RAB38: variants seen among roughly 807,000 people sequenced by gnomAD.
RAB38 encodes the protein RAB38, member RAS oncogene family.
Under a neutral mutation model 18.4 loss-of-function variants are expected in RAB38, and 15 were observed. The observed-to-expected ratio is 0.82, with a 90% CI of 0.55 to 1.26. RAB38 has a LOEUF of 1.26. Among genes scored for constraint, RAB38 ranks in the 50% most tolerant of loss-of-function variants. The pLI is 0.00. For missense variants in RAB38, 294 were observed against 267.4 expected (o/e 1.10, Z -0.69); for synonymous variants, 101 against 104.4 (o/e 0.97, Z 0.20).
the RAB38 span, among the ~76,000 whole-genome samples, chr11:87,915,543 CCCT>C: frequency 6.6e-6 from 1 of 152,080 alleles, no homozygotes; most frequent in African/African-American, 2.4e-5. Flanking sequence ...CAGGAAGTTA[CCCT>C]ATATGGTCTA....
At chr11:87,928,292 G>A in the RAB38 span, among the ~76,000 whole-genome samples, 1 of 151,852 alleles carries the variant, frequency 6.6e-6, no homozygotes, top group Non-Finnish European at 1.5e-5. Flanking sequence ...TAATTTATCA[G>A]TTTATTCTAA....
the RAB38 span, among the ~76,000 whole-genome samples, chr11:87,840,878 T>G: frequency 6.6e-6 from 1 of 152,182 alleles, no homozygotes; most frequent in Non-Finnish European, 1.5e-5. Flanking sequence ...CCCATATTAA[T>G]AACATCTTTT....
At chr11:87,924,864 C>G in the RAB38 span, among the ~76,000 whole-genome samples, 1 of 151,910 alleles carries the variant, frequency 6.6e-6, no homozygotes, top group Non-Finnish European at 1.5e-5. Context: ...ATTGTGTATA[C>G]AAATGTGTGT....
At chr11:87,921,990 A>T in the RAB38 span, among the ~76,000 whole-genome samples, 1 of 152,176 alleles carries the variant, frequency 6.6e-6, no homozygotes, top group South Asian at 2.1e-4. Flanking sequence ...AGGTAGACAG[A>T]TAAGTAATAA....
chr11:87,935,378 A>G, the RAB38 span, among the ~76,000 whole-genome samples: 37 of 151,940 alleles, frequency 2.4e-4, no homozygotes, highest in Admixed American at 2.4e-3. Context: ...ATTATTTTCT[A>G]TAATTCAACC....
chr11:88,161,474 T>A (rs1943189167), intron 1 of RAB38, among the ~76,000 whole-genome samples: 1 of 152,110 alleles, frequency 6.6e-6, no homozygotes, highest in Admixed American at 6.6e-5. Context: ...CTTATTATGC[T>A]GTGCATTCAT....
the RAB38 span, among the ~76,000 whole-genome samples, chr11:88,009,804 C>T: frequency 2.0e-5 from 3 of 152,072 alleles, no homozygotes; most frequent in African/African-American, 7.2e-5. Context: ...TATAATAGAG[C>T]ATTTTGTCTG....
At chr11:88,129,154 A>C (rs1942738907) in intron 2 of RAB38, among the ~76,000 whole-genome samples, 2 of 152,180 alleles carry the variant, frequency 1.3e-5, no homozygotes, top group Admixed American at 1.3e-4. Flanking sequence ...ATCTAGTGGC[A>C]CCTGAGTACC....
At chr11:88,016,033 A>C in the RAB38 span, among the ~76,000 whole-genome samples, 3 of 152,144 alleles carry the variant, frequency 2.0e-5, no homozygotes, top group Non-Finnish European at 4.4e-5. Flanking sequence ...ATCTCCATAT[A>C]GAAAAAAGCA....
At chr11:88,136,070 A>C (rs1942831048) in intron 2 of RAB38, among the ~76,000 whole-genome samples, 1 of 152,202 alleles carries the variant, frequency 6.6e-6, no homozygotes, top group African/African-American at 2.4e-5. Flanking sequence ...AATCTTGAGC[A>C]TTCTGTCATT....
chr11:88,129,776 A>C (rs1942745038), intron 2 of RAB38, among the ~76,000 whole-genome samples: 1 of 152,184 alleles, frequency 6.6e-6, no homozygotes. Context: ...ATACACACAT[A>C]TTTCTTATTG....
the RAB38 span, among the ~76,000 whole-genome samples, chr11:88,059,183 G>C: frequency 1.2e-4 from 1 of 8,428 alleles, no homozygotes; most frequent in Non-Finnish European, 2.1e-4. Flanking sequence ...AAATAAGAAC[G>C]TGTGAAAAGT....
the RAB38 span, among the ~76,000 whole-genome samples, chr11:87,959,607 G>A: frequency 2.0e-5 from 3 of 152,280 alleles, no homozygotes; most frequent in Middle Eastern, 3.4e-3. Flanking sequence ...GCTCATAGAC[G>A]CATTCTCCAG....
the RAB38 span, among the ~76,000 whole-genome samples, chr11:87,814,789 A>C: frequency 2.0e-5 from 3 of 150,008 alleles, no homozygotes; most frequent in Non-Finnish European, 4.4e-5. Flanking sequence ...GCCTGACTGC[A>C]GTGGCACTAT....
chr11:87,972,916 T>C, the RAB38 span, among the ~76,000 whole-genome samples: 1 of 152,012 alleles, frequency 6.6e-6, no homozygotes, highest in Non-Finnish European at 1.5e-5. Flanking sequence ...GCTGTTCTTA[T>C]GATAATGAAT....
the RAB38 span, among the ~76,000 whole-genome samples, chr11:88,096,304 TTCTG>T: frequency 6.6e-6 from 1 of 151,844 alleles, no homozygotes; most frequent in Non-Finnish European, 1.5e-5. Context: ...ACATTTCCTG[TTCTG>T]TCTATAATTG....
At chr11:88,117,540 T>C (rs140268629) in intron 2 of RAB38, among the ~76,000 whole-genome samples, 4 of 152,346 alleles carry the variant, frequency 2.6e-5, no homozygotes, top group Non-Finnish European at 5.9e-5. Flanking sequence ...AAGGTGCTGA[T>C]TGTCATGGTA....
intron 1 of RAB38, among the ~76,000 whole-genome samples, chr11:88,152,286 T>C (rs1015920712): frequency 2.0e-5 from 3 of 152,128 alleles, no homozygotes; most frequent in African/African-American, 7.2e-5. Context: ...GTCCAGAGGT[T>C]TTCATAGTAG....
the RAB38 span, among the ~76,000 whole-genome samples, chr11:87,956,564 C>T: frequency 2.1e-5 from 3 of 140,694 alleles, no homozygotes; most frequent in African/African-American, 9.8e-5. Context: ...GATAATTAAC[C>T]CCTACGTGTC....
Sources: gnomAD v4.1 joint callset for allele counts (sites outside exome capture counted in the v4.1 genomes callset) on GRCh38, gnomAD v4.1.1 for gene constraint, MANE v1.5 for transcripts, NCBI Gene and HGNC (gene_info 2026-07-23, HGNC 2026-07-21) for gene names.